Variants in SCOC observed in about 807,000 individuals in gnomAD.
SCOC encodes the protein short coiled-coil protein, also known as short coiled coil protein.
Under a neutral mutation model 9.9 loss-of-function variants are expected in SCOC, and 7 were observed. That is an observed-to-expected ratio of 0.71 (90% CI 0.40 to 1.33). The LOEUF (loss-of-function observed/expected upper bound fraction) is 1.33. SCOC is among the 40% of genes most tolerant of loss of function. SCOC has a pLI of 0.01. For synonymous variants in SCOC, 19 were observed against 28.2 expected (o/e 0.67, Z 1.03); for missense variants, 66 against 89.7 (o/e 0.74, Z 1.07).
At chr4:140,305,442 A>G (rs1731949588) in intron 1 of SCOC, among the ~76,000 whole-genome samples, 2 of 152,234 alleles carry the variant, frequency 1.3e-5, no homozygotes, top group Non-Finnish European at 2.9e-5. Context: ...ACATTGTCTT[A>G]TATCTGTATG....
At chr4:140,273,012 C>T (rs1263633300) in intron 1 of SCOC, among the ~76,000 whole-genome samples, 2 of 152,178 alleles carry the variant, frequency 1.3e-5, no homozygotes, top group East Asian at 1.9e-4. Context: ...AAACAAACAC[C>T]CAGCTCTTCT....
chr4:140,367,037 C>T (rs1400831112), intron 2 of SCOC, among the ~76,000 whole-genome samples: 1 of 152,086 alleles, frequency 6.6e-6, no homozygotes, highest in Non-Finnish European at 1.5e-5. Context: ...GAAACCTCAT[C>T]TCTACTAAAA....
At chr4:140,298,901 G>A (rs78334410) in intron 1 of SCOC, among the ~76,000 whole-genome samples, 2,635 of 152,174 alleles carry the variant, frequency 0.017, 57 homozygotes, top group African/African-American at 0.053. Flanking sequence ...CTGCAGCCTC[G>A]TCCTCCTGGG....
At chr4:140,295,268 CT>C (rs1026087421) in intron 1 of SCOC, among the ~76,000 whole-genome samples, 1 of 152,032 alleles carries the variant, frequency 6.6e-6, no homozygotes, top group African/African-American at 2.4e-5. Flanking sequence ...CATCTGATAT[CT>C]TTGGTCTATA....
In SCOC at chr4:140,354,509, CTTTTTTTT is replaced by C. The variant is rs397878492; in HGVS notation, c.70+10817_70+10824del. Among the ~76,000 whole-genome samples the C allele has an allele frequency of 6.8e-3, 710 of 103,742 alleles. 8 individuals carry two copies. The highest frequency in any genetic ancestry group is 0.024 in the African/African-American group (650 of 27,628). 68.1% of individuals were successfully genotyped at this position (103,742 alleles called of 152,430 possible). A position where few individuals can be genotyped will look rare whatever the true frequency, so the allele number is the denominator to read the frequency against. ...ACATTTCAAGGAATTTCTCAAAGAA[CTTTTTTTT>C]TTTTTTTTTTTTTTTGCAGGATATT... On this transcript the variant is annotated intron_variant, in intron 2 of 4. Coordinates refer to the SCOC transcript ENST00000338517.
At chr4:140,275,069 A>T (rs746317934) in intron 1 of SCOC, among the ~76,000 whole-genome samples, 13 of 152,352 alleles carry the variant, frequency 8.5e-5, no homozygotes, top group African/African-American at 1.4e-4. Flanking sequence ...AGAACTGGAT[A>T]AAACGTAATC....
intron 1 of SCOC, among the ~76,000 whole-genome samples, chr4:140,313,391 A>T (rs950228055): frequency 2.0e-5 from 3 of 152,172 alleles, no homozygotes; most frequent in African/African-American, 7.2e-5. Context: ...AACTGGGATC[A>T]TAGGCCCGTG....
intron 1 of SCOC, among the ~76,000 whole-genome samples, chr4:140,374,488 A>C (rs1728244148): frequency 6.6e-6 from 1 of 152,148 alleles, no homozygotes; most frequent in African/African-American, 2.4e-5. Context: ...ATTCTCTGAG[A>C]GTATAGCTTC....
intron 1 of SCOC, among the ~76,000 whole-genome samples, chr4:140,310,041 C>A (rs1461800320): frequency 6.6e-6 from 1 of 152,200 alleles, no homozygotes. Flanking sequence ...ACCCATTTCT[C>A]TGACCAGCAC....
At chr4:140,373,478 A>T (rs1310918575), upstream of SCOC, 13 of 1,549,192 alleles carry the variant, frequency 8.4e-6, no homozygotes, top group Non-Finnish European at 1.1e-5. Context: ...TCCTTTTGTT[A>T]TGGCAAAGGT....
intron 1 of SCOC, among the ~76,000 whole-genome samples, chr4:140,306,073 C>A (rs1731972476): frequency 6.6e-6 from 1 of 152,140 alleles, no homozygotes. Flanking sequence ...AAAGACATAC[C>A]TAAGGCTGGG....
intron 1 of SCOC, among the ~76,000 whole-genome samples, chr4:140,302,127 C>T (rs1224575969): frequency 4.0e-5 from 6 of 151,404 alleles, no homozygotes; most frequent in Non-Finnish European, 5.9e-5. Context: ...AGCCACAGCG[C>T]CCAGCCAGGA....
intron 1 of SCOC, among the ~76,000 whole-genome samples, chr4:140,268,808 C>A (rs1371722971): frequency 6.6e-6 from 1 of 152,176 alleles, no homozygotes; most frequent in Non-Finnish European, 1.5e-5. Context: ...AGGAGCACAC[C>A]TGTATCCCAG....
chr4:140,331,890 C>G (rs1385156019), intron 1 of SCOC, among the ~76,000 whole-genome samples: 1 of 152,122 alleles, frequency 6.6e-6, no homozygotes, highest in African/African-American at 2.4e-5. Context: ...GTTTAATTGG[C>G]CCACAGTTTC....
intron 1 of SCOC, among the ~76,000 whole-genome samples, chr4:140,313,767 C>T (rs919014103): frequency 4.0e-5 from 6 of 151,708 alleles, no homozygotes; most frequent in African/African-American, 1.5e-4. Flanking sequence ...AAAAAGCCAT[C>T]GTTTCATGAA....
At chr4:140,328,454 G>A (rs1025478337) in intron 1 of SCOC, among the ~76,000 whole-genome samples, 24 of 152,084 alleles carry the variant, frequency 1.6e-4, no homozygotes, top group African/African-American at 5.6e-4. Flanking sequence ...CCTTCGAGTC[G>A]ACCTCTGTGC....
intron 2 of SCOC, among the ~76,000 whole-genome samples, chr4:140,353,199 C>G (rs2126533000): frequency 6.6e-6 from 1 of 152,184 alleles, no homozygotes; most frequent in East Asian, 1.9e-4. Flanking sequence ...GACACGGGCC[C>G]CAAAAGAACA....
At chr4:140,291,254 G>C in intron 1 of SCOC, 1 of 344,616 alleles carries the variant, frequency 2.9e-6, no homozygotes, top group Non-Finnish European at 5.8e-6. Context: ...AAAGAAGCCG[G>C]GAGGCCTGTC....
At chr4:140,270,171 T>G (rs1472570041) in intron 1 of SCOC, among the ~76,000 whole-genome samples, 4 of 152,176 alleles carry the variant, frequency 2.6e-5, no homozygotes, top group African/African-American at 9.7e-5. Context: ...GGATACAAGG[T>G]ATAAGGTTTA....
Sources: allele counts gnomAD v4.1 joint callset (sites outside exome capture counted in the v4.1 genomes callset), GRCh38; gene constraint gnomAD v4.1.1; transcripts MANE v1.5; gene names NCBI Gene and HGNC (gene_info 2026-07-23, HGNC 2026-07-21).